The following BICD1 variants were observed in gnomAD, a reference collection of about 807,000 sequenced individuals.
The protein encoded by BICD1 is protein bicaudal D homolog 1.
A neutral mutation model predicts 92.5 loss-of-function variants in BICD1; 35 were observed. The observed-to-expected ratio is 0.38, with a 90% CI of 0.29 to 0.50. BICD1 has a LOEUF of 0.50. Among genes scored for constraint, BICD1 ranks in the 20% least tolerant of loss-of-function variants. The probability of loss-of-function intolerance (pLI) is 0.93; values close to 1 mark genes in which losing one functional copy is unlikely to be tolerated. For missense variants in BICD1, 950 were observed against 1,189.8 expected (o/e 0.80, Z 2.97); for synonymous variants, 429 against 465.1 (o/e 0.92, Z 1.00).
chr12:32,205,822 T>G (rs1425877168), intron 1 of BICD1, among the ~76,000 whole-genome samples: 2 of 151,400 alleles, frequency 1.3e-5, no homozygotes, highest in Non-Finnish European at 2.9e-5. Context: ...CTGTGTAATC[T>G]CTCCCATTTG....
At chr12:32,118,363 G>A (rs902831098) in intron 1 of BICD1, among the ~76,000 whole-genome samples, 2 of 152,054 alleles carry the variant, frequency 1.3e-5, no homozygotes, top group African/African-American at 4.8e-5. Context: ...TTACAGGTGT[G>A]AGCCACCGAG....
chr12:32,232,486 C>A (rs1945921364), intron 2 of BICD1, among the ~76,000 whole-genome samples: 1 of 149,702 alleles, frequency 6.7e-6, no homozygotes, highest in South Asian at 2.2e-4. Context: ...TTCTGGATAT[C>A]AGCCCTTTGT....
chr12:32,335,307 CGCCCGGCT>C (rs1938061723), intron 6 of BICD1, among the ~76,000 whole-genome samples: 1 of 152,034 alleles, frequency 6.6e-6, no homozygotes, highest in Non-Finnish European at 1.5e-5. Context: ...CCTGCCACCA[CGCCCGGCT>C]AATTTTTTGT....
chr12:32,323,594 G>A (rs1948707235), intron 4 of BICD1, among the ~76,000 whole-genome samples: 1 of 152,194 alleles, frequency 6.6e-6, no homozygotes, highest in South Asian at 2.1e-4. Context: ...GGTTTCTGCA[G>A]CCATAATATA....
chr12:32,192,453 A>AATAAATAAATAGATAG (rs150682949), intron 1 of BICD1, among the ~76,000 whole-genome samples: 2 of 149,068 alleles, frequency 1.3e-5, no homozygotes, highest in Non-Finnish European at 3.0e-5. Context: ...TAAATAAATA[A>AATAAATAAATAGATAG]ATAGATAGAT....
At chr12:32,245,277 C>T (rs1344702210) in intron 2 of BICD1, among the ~76,000 whole-genome samples, 3 of 146,506 alleles carry the variant, frequency 2.0e-5, no homozygotes, top group Non-Finnish European at 4.5e-5. Flanking sequence ...GACGGAGTCT[C>T]GCTCTGTCCC....
At chr12:32,147,445 C>T (rs141280684) in intron 1 of BICD1, among the ~76,000 whole-genome samples, 17 of 152,098 alleles carry the variant, frequency 1.1e-4, no homozygotes, top group South Asian at 4.2e-4. Flanking sequence ...GATTAATTAT[C>T]GACCATTATA....
chr12:32,287,344 G>T lies in BICD1; in HGVS notation c.427-6650G>T, dbSNP rs546579252. Among the ~76,000 whole-genome samples the T allele has an allele frequency of 8.6e-5, 13 of 151,954 alleles. No homozygotes were observed. In the East Asian group the frequency reaches 2.3e-3, roughly 27 times the overall value. On this transcript the variant is annotated intron_variant, in intron 2 of 9. Coordinates refer to ENST00000652176, the MANE Select transcript of BICD1 (RefSeq NM_001714.4). Reference sequence around the variant, plus strand: ...ACAGGTGTCTTGAAATGTTATCATTGCTTTGAAATTATGAGATTTCTTGGA... The same window carrying T: ...ACAGGTGTCTTGAAATGTTATCATTTCTTTGAAATTATGAGATTTCTTGGA...
chr12:32,345,148 T>G (rs1938518635), intron 8 of BICD1, among the ~76,000 whole-genome samples: 1 of 151,784 alleles, frequency 6.6e-6, no homozygotes, highest in Non-Finnish European at 1.5e-5. Flanking sequence ...ATTAGCTGGA[T>G]GTGCTGGCAT....
intron 2 of BICD1, among the ~76,000 whole-genome samples, chr12:32,235,306 C>G (rs1218129529): frequency 6.6e-6 from 1 of 152,156 alleles, no homozygotes; most frequent in Non-Finnish European, 1.5e-5. Flanking sequence ...AGGATAACAC[C>G]TGCTCTCTTG....
intron 2 of BICD1, among the ~76,000 whole-genome samples, chr12:32,265,061 A>G (rs1946953640): frequency 6.6e-6 from 1 of 151,738 alleles, no homozygotes; most frequent in South Asian, 2.1e-4. Flanking sequence ...AGCCTTCTGA[A>G]CTCAGAGCCC....
chr12:32,274,013 G>T (rs1025956680), intron 2 of BICD1, among the ~76,000 whole-genome samples: 6 of 152,176 alleles, frequency 3.9e-5, no homozygotes, highest in Non-Finnish European at 7.3e-5. Flanking sequence ...GAGAGAATCA[G>T]CTGAGAAAGG....
chr12:32,314,815 A>G (rs901678322), intron 4 of BICD1, among the ~76,000 whole-genome samples: 2 of 151,664 alleles, frequency 1.3e-5, no homozygotes, highest in Non-Finnish European at 2.9e-5. Context: ...GCTGGAGTGC[A>G]GTGGCTATTC....
intron 2 of BICD1, among the ~76,000 whole-genome samples, chr12:32,272,822 T>C (rs1204961328): frequency 6.6e-6 from 1 of 152,250 alleles, no homozygotes; most frequent in South Asian, 2.1e-4. Flanking sequence ...GAAAAGTTTA[T>C]TTTGAGTCAC....
At position 32,327,951 on chromosome 12, in the gene BICD1, G is replaced by A. The variant is rs150074704; in HGVS notation, c.1496G>A (p.Ser499Asn). The A allele has an allele frequency of 1.1e-4, 178 of 1,614,032 alleles. No individual in the cohort carries two copies. The highest frequency in any genetic ancestry group is 1.4e-4 in the Non-Finnish European group (168 of 1,180,018). ...KMTSIANENH[S>N]TLNTAQDELV... ...ACCAGCATAGCCAACGAAAATCACAGTACCCTTAATACGGCCCAGGATGAG... is the reference window on the plus strand; with the variant it reads ...ACCAGCATAGCCAACGAAAATCACAATACCCTTAATACGGCCCAGGATGAG... The change falls in exon 5 of 10, where the codon AGT (serine) becomes AAT (asparagine). Residue 499 changes from serine to asparagine, a missense_variant. Around this residue, in one of 5 missense-constraint regions of BICD1, gnomAD observed 309 missense variants for 499.4 expected, o/e 0.62. Coordinates refer to ENST00000652176, the MANE Select transcript of BICD1 (RefSeq NM_001714.4).
chr12:32,340,531 A>G (rs1938325214), intron 8 of BICD1: 1 of 934,554 alleles, frequency 1.1e-6, no homozygotes, highest in Admixed American at 6.2e-5. Context: ...TATGATTAAT[A>G]AATAACTCCT....
At chr12:32,238,789 AC>A (rs1946146517) in intron 2 of BICD1, among the ~76,000 whole-genome samples, 1 of 151,912 alleles carries the variant, frequency 6.6e-6, no homozygotes, top group Non-Finnish European at 1.5e-5. Flanking sequence ...TACTAAAAAT[AC>A]AAAAAATTAG....
Position 32,380,005 on chromosome 12 carries a change from C to G in BICD1, c.*2378C>G, listed in dbSNP as rs1223595229. 6.6e-6 allele frequency: 1 copy of G among 152,212 alleles called. No homozygotes were observed. Among genetic ancestry groups the G allele is most frequent in the Non-Finnish European group, 1.5e-5 (1 of 68,044 alleles). The allele number at this position is 152,212 out of a possible 1,614,324, so 9.4% of individuals were successfully genotyped here. On this transcript the variant is annotated 3_prime_UTR_variant, in exon 10 of 10. Coordinates refer to ENST00000652176, the MANE Select transcript of BICD1 (RefSeq NM_001714.4). Reference sequence around the variant, plus strand: ...AGTGTATTATTACGTCTATTATAAACTAGTTTCATTTCAGTTATTTATCTT... The same window carrying G: ...AGTGTATTATTACGTCTATTATAAAGTAGTTTCATTTCAGTTATTTATCTT...
At chr12:32,140,949 GT>G (rs1231393673) in intron 1 of BICD1, among the ~76,000 whole-genome samples, 1 of 152,162 alleles carries the variant, frequency 6.6e-6, no homozygotes, top group Non-Finnish European at 1.5e-5. Flanking sequence ...GAAATCTTCC[GT>G]AGAACGTACG....
Sources: allele counts gnomAD v4.1 joint callset (sites outside exome capture counted in the v4.1 genomes callset), GRCh38; gene constraint gnomAD v4.1.1; regional missense constraint gnomAD v4.1.1; transcripts MANE v1.5; gene names NCBI Gene and HGNC (gene_info 2026-07-23, HGNC 2026-07-21).